Variants in SNX29 observed in about 807,000 individuals in gnomAD.
SNX29 encodes the protein sorting nexin 29, also known as sorting nexin-29.
SNX29 carries 78 observed loss-of-function variants against 102.1 expected under a neutral mutation model. The observed-to-expected ratio is 0.76, with a 90% CI of 0.64 to 0.92. The LOEUF (loss-of-function observed/expected upper bound fraction) is 0.92. SNX29 is among the 40% of genes least tolerant of loss of function. SNX29 has a pLI of 0.00. For missense variants in SNX29, 1,280 were observed against 1,061.7 expected (o/e 1.21, Z -2.86); for synonymous variants, 580 against 414.5 (o/e 1.40, Z -4.85).
chr16:12,003,191 A>G (rs2056349614), intron 3 of SNX29, 148 bp downstream of exon 3: 10 of 932,994 alleles, frequency 1.1e-5, no homozygotes, highest in South Asian at 8.6e-5. Flanking sequence ...CAAGAGGTGC[A>G]GCGCTGAAAT....
intron 8 of SNX29, among the ~76,000 whole-genome samples, chr16:12,058,642 C>T (rs1333946472): frequency 2.0e-5 from 3 of 151,156 alleles, no homozygotes; most frequent in Non-Finnish European, 4.4e-5. Flanking sequence ...TACAAGCACC[C>T]ACCACCACGC....
At chr16:12,419,573 C>CCG (rs879933721) in intron 18 of SNX29, among the ~76,000 whole-genome samples, 4 of 149,142 alleles carry the variant, frequency 2.7e-5, no homozygotes, top group African/African-American at 9.8e-5. Context: ...CCCCCCCCCC[C>CCG]ATCTTTCTGT....
At chr16:12,449,597 C>T (rs964082365) in intron 18 of SNX29, among the ~76,000 whole-genome samples, 2 of 152,288 alleles carry the variant, frequency 1.3e-5, no homozygotes, top group South Asian at 4.1e-4. Flanking sequence ...GGCTCAAATG[C>T]AGCACCTCCC....
chr16:12,550,798 G>A (rs1022745703), intron 20 of SNX29, among the ~76,000 whole-genome samples: 2 of 151,996 alleles, frequency 1.3e-5, no homozygotes, highest in Non-Finnish European at 2.9e-5. Context: ...TAAGGAAGAG[G>A]GAGCCAAGAA....
At chr16:12,540,696 T>TCA (rs1341605150) in intron 20 of SNX29, among the ~76,000 whole-genome samples, 3 of 152,136 alleles carry the variant, frequency 2.0e-5, no homozygotes, top group African/African-American at 7.2e-5. Context: ...TTGTAGAAGC[T>TCA]CACATATGAA....
At chr16:12,369,798 T>A (rs1051864707) in intron 16 of SNX29, among the ~76,000 whole-genome samples, 1 of 152,252 alleles carries the variant, frequency 6.6e-6, no homozygotes, top group African/African-American at 2.4e-5. Context: ...ACATTATACT[T>A]ATTCCTTAAT....
chr16:12,192,270 T>C (rs830711), intron 13 of SNX29, among the ~76,000 whole-genome samples: 151,993 of 152,328 alleles, frequency 1, 75,829 homozygotes, highest in Middle Eastern at 1. Context: ...GCCAGCAGGC[T>C]TGTTTGGGGC....
intron 1 of SNX29, among the ~76,000 whole-genome samples, chr16:11,981,738 A>G (rs937814524): frequency 5.9e-5 from 9 of 152,220 alleles, no homozygotes; most frequent in Non-Finnish European, 1.0e-4. Context: ...ATATATATAT[A>G]CAAGATAAAT....
intron 2 of SNX29, among the ~76,000 whole-genome samples, chr16:11,999,806 C>A (rs950245981): frequency 6.6e-6 from 1 of 151,786 alleles, no homozygotes; most frequent in Non-Finnish European, 1.5e-5. Context: ...GAGGCTGAGG[C>A]AGGAGAATTG....
intron 11 of SNX29, among the ~76,000 whole-genome samples, chr16:12,092,344 A>G (rs1419941326): frequency 6.6e-6 from 1 of 152,224 alleles, no homozygotes; most frequent in Non-Finnish European, 1.5e-5. Flanking sequence ...TCTAACAAGC[A>G]TGGAGAGTTA....
In SNX29 at chr16:12,356,206, T is replaced by C; in HGVS notation, c.1826T>C (p.Leu609Pro). The C allele has an allele frequency of 1.2e-6, 2 of 1,613,474 alleles. No individual in the cohort carries two copies. The highest frequency in any genetic ancestry group is 1.7e-6 in the Non-Finnish European group (2 of 1,179,762). The stretch of plus-strand genomic sequence containing the variant: ...GAGCTGATTGAGTTCAACGAGCGCC[T>C]GCACAGGGCCCTGGTAGCCAAGGAA... ...HGELIEFNER[L>P]HRALVAKEAL... is the part of the protein sequence containing the mutation. The change falls in exon 16 of 21, where the codon CTG (leucine) becomes CCG (proline). Residue 609 changes from leucine to proline, a missense_variant. Physicochemically the swap from Leu to Pro is moderately conservative, Grantham distance 98. Transcript: ENST00000566228.
At chr16:12,292,994 A>G (rs2079850883) in intron 15 of SNX29, among the ~76,000 whole-genome samples, 1 of 152,272 alleles carries the variant, frequency 6.6e-6, no homozygotes, top group East Asian at 1.9e-4. Context: ...TTATTAATGA[A>G]TGAATAATGA....
intron 20 of SNX29, chr16:12,526,399 G>C (rs956826550): frequency 2.6e-6 from 1 of 390,790 alleles, no homozygotes; most frequent in African/African-American, 2.1e-5. Flanking sequence ...TCTCCAAGAT[G>C]GTTGCTTAGA....
At chr16:12,232,825 C>T (rs184603281) in intron 14 of SNX29, among the ~76,000 whole-genome samples, 1 of 152,342 alleles carries the variant, frequency 6.6e-6, no homozygotes, top group East Asian at 1.9e-4. Context: ...ATTGGTCCTT[C>T]AAAGTATCCT....
chr16:12,146,732 C>T (rs765865386), intron 13 of SNX29, among the ~76,000 whole-genome samples: 10 of 152,006 alleles, frequency 6.6e-5, no homozygotes, highest in Non-Finnish European at 1.2e-4. Flanking sequence ...TTTCTCAGCT[C>T]GTTTTTCTTT....
At chr16:12,550,840 T>C (rs1460913457) in intron 20 of SNX29, among the ~76,000 whole-genome samples, 1 of 152,174 alleles carries the variant, frequency 6.6e-6, no homozygotes, top group Non-Finnish European at 1.5e-5. Flanking sequence ...ACAGATGATT[T>C]TTGAGCAGTA....
chr16:12,261,250 G>A lies in SNX29; in HGVS notation c.1679-16683G>A, dbSNP rs1375584343. On this transcript the variant is annotated intron_variant, in intron 14 of 20. Transcript: ENST00000566228. The stretch of plus-strand genomic sequence containing the variant: ...GTTTGCTGAGCTCGGGTCTGTGTGC[G>A]CACCCCCGGGTGAAGTGAGTGTTTG... Among the ~76,000 whole-genome samples, 29 of 142,116 alleles carry A rather than the reference G, an allele frequency of 2.0e-4. 1 individual carries two copies. Among genetic ancestry groups the A allele is most frequent in the Non-Finnish European group, 3.3e-4 (22 of 66,242 alleles). 93.2% of individuals were successfully genotyped at this position (142,116 alleles called of 152,430 possible). A position where few individuals can be genotyped will look rare whatever the true frequency, so the allele number is the denominator to read the frequency against.
At chr16:12,561,013 G>C (rs1017546292) in intron 20 of SNX29, 1 of 218,772 alleles carries the variant, frequency 4.6e-6, no homozygotes. Flanking sequence ...ATCAGTTGTG[G>C]ATGGTGGAAG....
intron 15 of SNX29, among the ~76,000 whole-genome samples, chr16:12,349,646 G>A (rs2081939077): frequency 6.6e-6 from 1 of 152,130 alleles, no homozygotes; most frequent in Non-Finnish European, 1.5e-5. Context: ...AATACTTCTG[G>A]TCCTGAGCAT....
Sources: allele counts gnomAD v4.1 joint callset (sites outside exome capture counted in the v4.1 genomes callset), GRCh38; gene constraint gnomAD v4.1.1; transcripts MANE v1.5; gene names NCBI Gene and HGNC (gene_info 2026-07-23, HGNC 2026-07-21).